Variants in CC2D2B observed in about 807,000 individuals in gnomAD.
CC2D2B encodes the protein coiled-coil and C2 domain containing 2B, also known as protein CC2D2B.
Under a neutral mutation model 161.2 loss-of-function variants are expected in CC2D2B, and 128 were observed. The observed-to-expected ratio is 0.79, with a 90% CI of 0.69 to 0.92. CC2D2B has a LOEUF of 0.92. Ranked by LOEUF, CC2D2B falls within the 40% of genes least tolerant of loss-of-function variation. The pLI, the probability that CC2D2B is intolerant of heterozygous loss-of-function variation, is 0.00. For missense variants in CC2D2B, 1,173 were observed against 1,375.1 expected (o/e 0.85, Z 2.32); for synonymous variants, 391 against 449.8 (o/e 0.87, Z 1.65).
chr10:95,941,296 G>A (rs1443085802), intron 9 of CC2D2B, among the ~76,000 whole-genome samples: 7 of 152,080 alleles, frequency 4.6e-5, no homozygotes, highest in Admixed American at 4.6e-4. Flanking sequence ...TGGTTTCCTG[G>A]ATATGACACC....
At position 95,972,108 on chromosome 10, in the gene CC2D2B, T is replaced by C; in HGVS notation, c.1687T>C (p.Tyr563His). The change falls in exon 16 of 35, where the codon TAT (tyrosine) becomes CAT (histidine). Residue 563 changes from tyrosine to histidine, a missense_variant. This residue lies in a region of CC2D2B where 277 missense variants were observed against 420.6 expected (regional missense o/e 0.66). Transcript: ENST00000646931. ...AAGGACAAGCTTACTGGCAAAACTA[T>C]ATATACCTTTACCTAACTACACAGA... ...SKRTSLLAKL[Y>H]IPLPNYTELK... is the part of the protein sequence containing the mutation. 8.1e-7 allele frequency: 1 copy of C among 1,230,656 alleles called. No individual in the cohort carries two copies. Among genetic ancestry groups the C allele is most frequent in the Non-Finnish European group, 1.0e-6 (1 of 986,610 alleles). 76.2% of individuals were successfully genotyped at this position (1,230,656 alleles called of 1,614,324 possible). A position where few individuals can be genotyped will look rare whatever the true frequency, so the allele number is the denominator to read the frequency against.
chr10:95,933,912 C>T (rs932880872), intron 6 of CC2D2B, among the ~76,000 whole-genome samples: 17 of 152,224 alleles, frequency 1.1e-4, no homozygotes, highest in African/African-American at 4.1e-4. Flanking sequence ...GAGCACTGTG[C>T]TGGAAGATCT....
intron 5 of CC2D2B, 130 bp downstream of exon 5, chr10:95,924,974 C>A: frequency 1.8e-6 from 1 of 569,416 alleles, no homozygotes; most frequent in Non-Finnish European, 3.1e-6. Flanking sequence ...ATTGTTCAAT[C>A]AATACCACAG....
intron 6 of CC2D2B, among the ~76,000 whole-genome samples, chr10:95,928,179 A>T (rs2098542946): frequency 6.6e-6 from 1 of 151,626 alleles, no homozygotes; most frequent in South Asian, 2.1e-4. Context: ...CTTTCTTTGC[A>T]TTCTGCTCCA....
chr10:95,972,241 T>C (rs1266992560), intron 16 of CC2D2B, 25 bp downstream of exon 16: 1 of 1,227,810 alleles, frequency 8.1e-7, no homozygotes, highest in South Asian at 4.1e-5. Context: ...AATATTACAT[T>C]CCCCCTATTT....
intron 32 of CC2D2B, chr10:96,020,410 T>C (rs1038213295): frequency 6.5e-6 from 1 of 152,680 alleles, no homozygotes; most frequent in Non-Finnish European, 1.5e-5. Flanking sequence ...AGACTCACTG[T>C]CTGGGGCTCA....
At chr10:95,933,849 G>T (rs2075704130) in intron 6 of CC2D2B, among the ~76,000 whole-genome samples, 1 of 152,230 alleles carries the variant, frequency 6.6e-6, no homozygotes, top group Non-Finnish European at 1.5e-5. Flanking sequence ...CAGTCAGGAG[G>T]CACAGGGGTC....
At chr10:95,962,038 AGTG>A in intron 12 of CC2D2B, 69 bp downstream of exon 12, 1 of 1,131,804 alleles carries the variant, frequency 8.8e-7, no homozygotes, top group Non-Finnish European at 1.1e-6. Context: ...GGAAATTCAC[AGTG>A]ACTAGGAAGA....
At chr10:95,927,427 A>G (rs56365500) in intron 6 of CC2D2B, 95 bp downstream of exon 6, 208,934 of 697,734 alleles carry the variant, frequency 0.3, 35,769 homozygotes, top group Admixed American at 0.4. Context: ...CGGGAGATAA[A>G]GTTTTATTAT....
intron 19 of CC2D2B, among the ~76,000 whole-genome samples, chr10:95,985,294 A>G (rs2077674541): frequency 6.6e-6 from 1 of 152,244 alleles, no homozygotes; most frequent in African/African-American, 2.4e-5. Flanking sequence ...CAGCATTGTC[A>G]TTACAAATTG....
intron 18 of CC2D2B, among the ~76,000 whole-genome samples, chr10:95,982,596 C>T (rs78752323): frequency 0.029 from 4,413 of 152,210 alleles, 105 homozygotes; most frequent in Middle Eastern, 0.058. Context: ...GTGTCCATAG[C>T]GGTTATCTTA....
chr10:95,992,554 T>C lies in CC2D2B; in HGVS notation c.2499T>C (p.Phe833=). The C allele has an allele frequency of 8.1e-7, 1 of 1,234,248 alleles. No individual in the cohort carries two copies. The highest frequency in any genetic ancestry group is 1.0e-6 in the Non-Finnish European group (1 of 988,090). The allele number at this position is 1,234,248 out of a possible 1,614,324, so 76.5% of individuals were successfully genotyped here. A position where few individuals can be genotyped will look rare whatever the true frequency, so the allele number is the denominator to read the frequency against. The part of the protein sequence containing the change: ...TSQLTDAVCK[F]VEPRRKLKPQ... Reference sequence around the variant, plus strand: ...AATTGACAGATGCAGTTTGTAAGTTTGTTGAACCACGGAGAAAGTTAAAAC... The same window carrying C: ...AATTGACAGATGCAGTTTGTAAGTTCGTTGAACCACGGAGAAAGTTAAAAC... The change falls in exon 22 of 35, where the codon TTT becomes TTC. Residue 833 remains phenylalanine, a synonymous_variant. Transcript: ENST00000646931.
At chr10:95,970,457 C>T (rs186820833) in intron 15 of CC2D2B, among the ~76,000 whole-genome samples, 360 of 152,318 alleles carry the variant, frequency 2.4e-3, no homozygotes, top group Non-Finnish European at 2.8e-3. Flanking sequence ...TTAGCTGCTC[C>T]GTTTAAAAAC....
chr10:95,966,081 A>C (rs917189942), intron 13 of CC2D2B, 83 bp downstream of exon 13: 10 of 735,284 alleles, frequency 1.4e-5, no homozygotes, highest in Middle Eastern at 4.6e-4. Flanking sequence ...TGGTATTTCT[A>C]AAAGTTATCC....
chr10:95,993,336 C>G (rs969702787), intron 22 of CC2D2B, among the ~76,000 whole-genome samples: 5 of 152,078 alleles, frequency 3.3e-5, no homozygotes, highest in Non-Finnish European at 7.4e-5. Context: ...TTTAGTGTCT[C>G]ATATATGTAG....
At chr10:95,921,944 A>ATAC in intron 2 of CC2D2B, 72 bp from the exon 3 acceptor site, 1 of 822,060 alleles carries the variant, frequency 1.2e-6, no homozygotes, top group Non-Finnish European at 1.9e-6. Flanking sequence ...TTAAAGTATA[A>ATAC]TAATAATAAT....
chr10:95,986,208 A>C (rs1053186179), intron 19 of CC2D2B, among the ~76,000 whole-genome samples: 1 of 150,452 alleles, frequency 6.6e-6, no homozygotes, highest in African/African-American at 2.5e-5. Context: ...CTCGGGGGGC[A>C]TCACGGAACC....
At chr10:95,958,192 C>CT (rs376725304) in intron 11 of CC2D2B, among the ~76,000 whole-genome samples, 1 of 151,906 alleles carries the variant, frequency 6.6e-6, no homozygotes, top group Non-Finnish European at 1.5e-5. Flanking sequence ...TACGTTAAAC[C>CT]ATGCATAAAC....
At chr10:96,009,363 T>C (rs2078889071) in intron 25 of CC2D2B, among the ~76,000 whole-genome samples, 1 of 152,180 alleles carries the variant, frequency 6.6e-6, no homozygotes, top group Admixed American at 6.5e-5. Flanking sequence ...TTCTTTTGGA[T>C]TGATGGAATA....
Sources: gnomAD v4.1 joint callset for allele counts (sites outside exome capture counted in the v4.1 genomes callset) on GRCh38, gnomAD v4.1.1 for gene constraint, gnomAD v4.1.1 regional missense constraint, MANE v1.5 for transcripts, NCBI Gene and HGNC (gene_info 2026-07-23, HGNC 2026-07-21) for gene names.